CHRM3: variants seen among roughly 807,000 people sequenced by gnomAD.
The protein encoded by CHRM3 is muscarinic acetylcholine receptor M3.
A neutral mutation model predicts 41.8 loss-of-function variants in CHRM3; 11 were observed. The observed-to-expected ratio is 0.26, with a 90% CI of 0.17 to 0.44. The LOEUF is 0.44. CHRM3 is among the 20% of genes least tolerant of loss of function. The pLI is 1.00. For synonymous variants in CHRM3, 297 were observed against 301.4 expected (o/e 0.99, Z 0.15); for missense variants, 571 against 745.4 (o/e 0.77, Z 2.72).
chr1:239,555,858 G>C (rs2148465968), intron 3 of CHRM3, among the ~76,000 whole-genome samples: 1 of 152,284 alleles, frequency 6.6e-6, no homozygotes, highest in South Asian at 2.1e-4. Flanking sequence ...ACCCTCATGT[G>C]CTAAGCACCA....
intron 5 of CHRM3, among the ~76,000 whole-genome samples, chr1:239,782,562 A>C (rs1326988668): frequency 6.6e-6 from 1 of 152,000 alleles, no homozygotes; most frequent in African/African-American, 2.4e-5. Flanking sequence ...ACTAGTTTTC[A>C]GTTTAGTTGA....
intron 2 of CHRM3, among the ~76,000 whole-genome samples, chr1:239,526,828 A>C (rs1310246265): frequency 2.0e-5 from 3 of 152,158 alleles, no homozygotes; most frequent in Non-Finnish European, 4.4e-5. Flanking sequence ...CCATCCTTAT[A>C]ACATAAGTCA....
chr1:239,398,668 C>T (rs1474028802), intron 1 of CHRM3, among the ~76,000 whole-genome samples: 4 of 152,104 alleles, frequency 2.6e-5, no homozygotes, highest in African/African-American at 4.8e-5. Context: ...ATTGAACCTC[C>T]TTTGGAATAA....
intron 1 of CHRM3, among the ~76,000 whole-genome samples, chr1:239,430,532 C>T (rs1662752146): frequency 6.6e-6 from 1 of 151,954 alleles, no homozygotes; most frequent in Non-Finnish European, 1.5e-5. Flanking sequence ...AAACCATGTT[C>T]AGCTTAATTT....
chr1:239,736,538 G>C (rs1664409793), intron 5 of CHRM3, among the ~76,000 whole-genome samples: 1 of 151,984 alleles, frequency 6.6e-6, no homozygotes, highest in African/African-American at 2.4e-5. Flanking sequence ...GGAAATGAAG[G>C]GTTGATTTCA....
At chr1:239,592,676 T>G (rs1036486394) in intron 3 of CHRM3, among the ~76,000 whole-genome samples, 1 of 152,188 alleles carries the variant, frequency 6.6e-6, no homozygotes, top group African/African-American at 2.4e-5. Flanking sequence ...ACATTTCATT[T>G]GTGTGGTAAA....
intron 5 of CHRM3, among the ~76,000 whole-genome samples, chr1:239,683,714 G>C (rs1658799004): frequency 6.6e-6 from 1 of 152,138 alleles, no homozygotes; most frequent in Non-Finnish European, 1.5e-5. Flanking sequence ...CTTGTGAACA[G>C]CTGAATAGCT....
chr1:239,855,503 T>G (rs1278195304), intron 6 of CHRM3, among the ~76,000 whole-genome samples: 1 of 152,160 alleles, frequency 6.6e-6, no homozygotes, highest in Admixed American at 6.6e-5. Flanking sequence ...TTTAATCTGA[T>G]ACATAAATAT....
chr1:239,704,628 TCCTGAGCAATA>T (rs747016205), intron 5 of CHRM3: 3 of 152,146 alleles, frequency 2.0e-5, no homozygotes, highest in Non-Finnish European at 2.9e-5. Flanking sequence ...GTGGTCAGCA[TCCTGAGCAATA>T]CCAGAAGGAG....
intron 4 of CHRM3, among the ~76,000 whole-genome samples, chr1:239,668,516 C>T (rs906980871): frequency 5.3e-5 from 8 of 152,172 alleles, no homozygotes; most frequent in Admixed American, 5.2e-4. Context: ...GTCTTCCACT[C>T]AAAGCATTTT....
At chr1:239,654,618 C>T (rs147477513) in intron 4 of CHRM3, among the ~76,000 whole-genome samples, 3 of 152,198 alleles carry the variant, frequency 2.0e-5, no homozygotes, top group East Asian at 3.9e-4. Flanking sequence ...GGGAAAGTCT[C>T]GAAATCCTGA....
chr1:239,400,707 T>G (rs1170890851), intron 1 of CHRM3, among the ~76,000 whole-genome samples: 1 of 152,200 alleles, frequency 6.6e-6, no homozygotes, highest in Non-Finnish European at 1.5e-5. Context: ...TTGAAGAGTA[T>G]CCTTTCTTCA....
At chr1:239,762,028 G>C (rs1017658049) in intron 5 of CHRM3, among the ~76,000 whole-genome samples, 33 of 152,110 alleles carry the variant, frequency 2.2e-4, no homozygotes, top group African/African-American at 6.0e-4. Flanking sequence ...ACTTTGCTTG[G>C]TTCCCTTTTC....
intron 1 of CHRM3, among the ~76,000 whole-genome samples, chr1:239,456,735 TG>T (rs1240280278): frequency 6.6e-6 from 1 of 152,198 alleles, no homozygotes; most frequent in Admixed American, 6.5e-5. Context: ...GAACTGGGGC[TG>T]TGGAAGAGAG....
At chr1:239,604,137 C>T (rs2148706785) in intron 3 of CHRM3, among the ~76,000 whole-genome samples, 1 of 152,220 alleles carries the variant, frequency 6.6e-6, no homozygotes, top group South Asian at 2.1e-4. Context: ...CTTTGAGATG[C>T]AGATGCTGGA....
intron 4 of CHRM3, among the ~76,000 whole-genome samples, chr1:239,665,725 G>A (rs1344551102): frequency 2.6e-5 from 4 of 151,984 alleles, no homozygotes; most frequent in African/African-American, 7.3e-5. Context: ...CTGTGTCCAC[G>A]TGTTCTCATT....
intron 4 of CHRM3, among the ~76,000 whole-genome samples, chr1:239,667,481 C>T (rs1673927179): frequency 6.6e-6 from 1 of 152,148 alleles, no homozygotes; most frequent in Non-Finnish European, 1.5e-5. Context: ...ATCAGGACGG[C>T]TTTTCATGAT....
chr1:239,746,195 G>C (rs1046730406), intron 5 of CHRM3, among the ~76,000 whole-genome samples: 10 of 152,180 alleles, frequency 6.6e-5, no homozygotes, highest in African/African-American at 2.4e-4. Flanking sequence ...TAGGTGCCAG[G>C]CATCTGTATA....
chr1:239,896,839 A>G (rs1397108406), intron 6 of CHRM3, among the ~76,000 whole-genome samples: 2 of 152,230 alleles, frequency 1.3e-5, no homozygotes, highest in Non-Finnish European at 2.9e-5. Flanking sequence ...CCCCTAGGGC[A>G]GAGTCACCCT....
Sources: gnomAD v4.1 joint callset for allele counts (sites outside exome capture counted in the v4.1 genomes callset) on GRCh38, gnomAD v4.1.1 for gene constraint, MANE v1.5 for transcripts, NCBI Gene and HGNC (gene_info 2026-07-23, HGNC 2026-07-21) for gene names.